The following NEURL1 variants were observed in gnomAD, a reference collection of about 807,000 sequenced individuals.
The protein encoded by NEURL1 is neuralized E3 ubiquitin protein ligase 1.
Under a neutral mutation model 41.2 loss-of-function variants are expected in NEURL1, and 26 were observed. The observed-to-expected ratio is 0.63, with a 90% confidence interval of 0.46 to 0.87. NEURL1 has a LOEUF of 0.87. NEURL1 is among the 40% of genes least tolerant of loss of function. The probability of loss-of-function intolerance (pLI) is 0.00; values close to 1 mark genes in which losing one functional copy is unlikely to be tolerated. For missense variants in NEURL1, 761 were observed against 871.1 expected (o/e 0.87, Z 1.59); for synonymous variants, 400 against 402.3 (o/e 0.99, Z 0.07).
intron 1 of NEURL1, among the ~76,000 whole-genome samples, chr10:103,532,896 C>G (rs1030552493): frequency 7.6e-6 from 1 of 130,966 alleles, no homozygotes; most frequent in Non-Finnish European, 1.7e-5. Context: ...AATAGGTTTT[C>G]TACACCTTTT....
intron 1 of NEURL1, among the ~76,000 whole-genome samples, chr10:103,517,232 G>A (rs952342168): frequency 3.3e-5 from 5 of 152,236 alleles, no homozygotes; most frequent in South Asian, 2.1e-4. Flanking sequence ...TCACTATATT[G>A]CTGAGGCTGG....
chr10:103,576,680 T>C (rs1350638729), intron 3 of NEURL1, among the ~76,000 whole-genome samples: 2 of 151,952 alleles, frequency 1.3e-5, no homozygotes, highest in African/African-American at 4.8e-5. Context: ...TATCAACACA[T>C]CTAAATGGTG....
intron 1 of NEURL1, among the ~76,000 whole-genome samples, chr10:103,555,036 C>A (rs2035115054): frequency 2.0e-5 from 3 of 152,232 alleles, no homozygotes; most frequent in African/African-American, 7.2e-5. Flanking sequence ...TTCAGGAAGC[C>A]TCCAGTCTCC....
intron 3 of NEURL1, among the ~76,000 whole-genome samples, chr10:103,572,998 T>C (rs2035582284): frequency 6.6e-6 from 1 of 152,056 alleles, no homozygotes; most frequent in African/African-American, 2.4e-5. Context: ...AAACCTTTTT[T>C]TTTTTTCCCT....
intron 1 of NEURL1, among the ~76,000 whole-genome samples, chr10:103,496,575 G>A (rs556678167): frequency 6.6e-6 from 1 of 152,284 alleles, no homozygotes; most frequent in South Asian, 2.1e-4. Context: ...TAATAAGGAA[G>A]TATTATTTTT....
intron 1 of NEURL1, among the ~76,000 whole-genome samples, chr10:103,560,000 T>C (rs1564821862): frequency 6.6e-6 from 1 of 151,318 alleles, no homozygotes; most frequent in Non-Finnish European, 1.5e-5. Context: ...ATATACACAA[T>C]GCACGCACAC....
intron 1 of NEURL1, among the ~76,000 whole-genome samples, chr10:103,565,128 A>G (rs951909591): frequency 2.0e-5 from 3 of 152,112 alleles, no homozygotes; most frequent in African/African-American, 7.2e-5. Flanking sequence ...CAGGATTGGT[A>G]GATGGGGTGA....
intron 3 of NEURL1, among the ~76,000 whole-genome samples, chr10:103,578,531 A>G (rs1441013121): frequency 6.6e-6 from 1 of 152,204 alleles, no homozygotes; most frequent in African/African-American, 2.4e-5. Flanking sequence ...TCCACCTCCT[A>G]GACTTCAGCC....
At chr10:103,505,940 C>T (rs548057227) in intron 1 of NEURL1, among the ~76,000 whole-genome samples, 1 of 152,336 alleles carries the variant, frequency 6.6e-6, no homozygotes, top group Non-Finnish European at 1.5e-5. Flanking sequence ...AAGTACATTG[C>T]TGATCACAGA....
intron 1 of NEURL1, among the ~76,000 whole-genome samples, chr10:103,524,988 G>T (rs2034431216): frequency 6.6e-6 from 1 of 152,120 alleles, no homozygotes; most frequent in African/African-American, 2.4e-5. Context: ...TTGGTATTTT[G>T]TTGTGAGTTG....
At chr10:103,534,459 A>C (rs1252059726) in intron 1 of NEURL1, among the ~76,000 whole-genome samples, 1 of 152,092 alleles carries the variant, frequency 6.6e-6, no homozygotes, top group Non-Finnish European at 1.5e-5. Flanking sequence ...AGTTGGAAAG[A>C]GTGTGATGAC....
intron 1 of NEURL1, among the ~76,000 whole-genome samples, chr10:103,524,532 T>C (rs537703150): frequency 6.6e-6 from 1 of 152,334 alleles, no homozygotes; most frequent in Non-Finnish European, 1.5e-5. Context: ...ACCAATGTCC[T>C]GAAGCATTTC....
intron 1 of NEURL1, among the ~76,000 whole-genome samples, chr10:103,565,153 C>T (rs899624029): frequency 6.6e-6 from 1 of 152,094 alleles, no homozygotes; most frequent in Non-Finnish European, 1.5e-5. Flanking sequence ...TGCTCAGGGG[C>T]TCCCCTGGAG....
At chr10:103,519,383 G>A (rs60217999) in intron 1 of NEURL1, among the ~76,000 whole-genome samples, 36,762 of 152,202 alleles carry the variant, frequency 0.24, 4,728 homozygotes, top group East Asian at 0.29. Context: ...AGGAATAAAT[G>A]AGATAATTGA....
At chr10:103,549,943 C>T (rs965554921) in intron 1 of NEURL1, among the ~76,000 whole-genome samples, 17 of 152,336 alleles carry the variant, frequency 1.1e-4, no homozygotes, top group African/African-American at 4.1e-4. Context: ...CTTTGCTACA[C>T]CTGTAAAATG....
intron 4 of NEURL1, among the ~76,000 whole-genome samples, chr10:103,586,655 G>A (rs2047035): frequency 0.37 from 56,276 of 152,040 alleles, 10,889 homozygotes; most frequent in South Asian, 0.54. Context: ...TGCATGTAAT[G>A]CTGTTGGCTT....
Position 103,508,100 on chromosome 10 carries a change from G to C in NEURL1, c.85+13628G>C, listed in dbSNP as rs1187960553. On this transcript the variant is annotated intron_variant, in intron 1 of 5. Coordinates refer to ENST00000369780, the MANE Select transcript of NEURL1 (RefSeq NM_004210.5). The surrounding 1 kb of genome is among the most constrained non-coding windows in gnomAD (Gnocchi z 4.3). ...CTGTAGTAAAACAGAATGCGGAAGA[G>C]CAGCTGAGAACCAGGCAACAGCTGG... is the stretch of plus-strand genomic sequence containing the variant. 6.6e-6 allele frequency among the ~76,000 whole-genome samples: 1 copy of C among 152,244 alleles called. No homozygotes were observed. The highest frequency in any genetic ancestry group is 1.5e-5 in the Non-Finnish European group (1 of 68,046).
Position 103,584,962 on chromosome 10 carries a change from C to T in NEURL1, c.1076C>T (p.Thr359Met), listed in dbSNP as rs948841779. 4.6e-6 allele frequency: 7 copies of T among 1,515,150 alleles called. No homozygotes were observed. Among genetic ancestry groups the T allele is most frequent in the Non-Finnish European group, 6.1e-6 (7 of 1,140,836 alleles). The allele number at this position is 1,515,150 out of a possible 1,614,324, so 93.9% of individuals were successfully genotyped here. Residue 359 changes from threonine (T) to methionine (M), a missense_variant, in exon 4 of 6, where the codon ACG becomes ATG. Physicochemically the swap from Thr to Met is moderately conservative, Grantham distance 81 (BLOSUM62 -1). This residue lies in a region of NEURL1 where 443 missense variants were observed against 408.1 expected (regional missense o/e 1.09). Transcript: ENST00000369780. ...GGCGCGCTGTCGTTCGGCGTCACCA[C>T]GTGCGACCCCGGCACGCTGCGGCCG... ...RPGALSFGVT[T>M]CDPGTLRPAD...
chr10:103,546,760 G>A (rs1274693829), intron 1 of NEURL1, among the ~76,000 whole-genome samples: 1 of 152,256 alleles, frequency 6.6e-6, no homozygotes, highest in Non-Finnish European at 1.5e-5. Context: ...AGAGGAAGAG[G>A]TGCCAGGACC....
Sources: allele counts gnomAD v4.1 joint callset (sites outside exome capture counted in the v4.1 genomes callset), GRCh38; gene constraint gnomAD v4.1.1; regional missense constraint gnomAD v4.1.1; non-coding constraint Gnocchi (gnomAD v3.1); transcripts MANE v1.5; gene names NCBI Gene and HGNC (gene_info 2026-07-23, HGNC 2026-07-21).